The following FGD4 variants were observed in gnomAD, a reference collection of about 807,000 sequenced individuals.
FGD4 encodes the protein FYVE, RhoGEF and PH domain containing 4.
FGD4 carries 42 observed loss-of-function variants against 102.0 expected under a neutral mutation model. That is an observed-to-expected ratio of 0.41 (90% CI 0.32 to 0.53). FGD4 has a LOEUF of 0.53. FGD4 is among the 20% of genes least tolerant of loss of function. The pLI is 0.21. For missense variants in FGD4, 902 were observed against 1,078.2 expected, an observed-to-expected ratio of 0.84 and a Z score of 2.29; for synonymous variants, 380 against 375.7, an observed-to-expected ratio of 1.01 and a Z score of -0.13.
intron 1 of FGD4, among the ~76,000 whole-genome samples, chr12:32,484,093 C>G (rs1195592491): frequency 1.3e-5 from 2 of 151,942 alleles, no homozygotes; most frequent in Admixed American, 6.6e-5. Context: ...AAAAAAAATC[C>G]GTTGGGAGCT....
At chr12:32,480,574 C>T (rs985926829) in intron 1 of FGD4, among the ~76,000 whole-genome samples, 1 of 151,786 alleles carries the variant, frequency 6.6e-6, no homozygotes, top group Non-Finnish European at 1.5e-5. Context: ...AATCTCAGCT[C>T]ACTGCAACCT....
intron 1 of FGD4, among the ~76,000 whole-genome samples, chr12:32,542,993 G>T (rs1942961852): frequency 6.6e-6 from 1 of 152,100 alleles, no homozygotes; most frequent in Admixed American, 6.6e-5. Flanking sequence ...AGATCCCATA[G>T]GTGAAACGCT....
At chr12:32,581,932 C>T (rs752754283) in intron 3 of FGD4, 28 bp from the exon 4 acceptor site, 28 of 1,612,748 alleles carry the variant, frequency 1.7e-5, no homozygotes, top group South Asian at 3.3e-5. Flanking sequence ...CCAATGTTTT[C>T]ATGCTTCCTT....
rs533939591 is a variant in FGD4, at chr12:32,602,280, G to A, written c.1367G>A (p.Arg456His). 6.8e-6 allele frequency: 11 copies of A among 1,614,108 alleles called. No homozygotes were observed. The highest frequency in any genetic ancestry group is 2.7e-5 in the African/African-American group (2 of 75,046). The change falls in exon 7 of 17, where the codon CGT (arginine) becomes CAT (histidine). Residue 456 changes from arginine to histidine, a missense_variant. Coordinates refer to ENST00000534526, the MANE Select transcript of FGD4 (RefSeq NM_001370298.3). ...GAATTGGTTAAAAACATGACAGAAC[G>A]TATTCCCCAGTTCAAATCAGTGGTT... ...AMELVKNMTE[R>H]IPQFKSVVEE...
intron 1 of FGD4, among the ~76,000 whole-genome samples, chr12:32,431,638 G>A (rs1327728116): frequency 1.3e-5 from 2 of 152,048 alleles, no homozygotes; most frequent in Non-Finnish European, 2.9e-5. Context: ...GCCGGGCGCA[G>A]TGGCTCACAC....
chr12:32,636,334 G>A (rs183301114), intron 15 of FGD4, among the ~76,000 whole-genome samples: 1 of 152,208 alleles, frequency 6.6e-6, no homozygotes, highest in Admixed American at 6.5e-5. Flanking sequence ...AGGAGTTCGA[G>A]ACCAGCCTGA....
chr12:32,485,735 C>T, intron 1 of FGD4: 2 of 592,792 alleles, frequency 3.4e-6, no homozygotes, highest in Non-Finnish European at 4.2e-6. Context: ...TGAGCCACTG[C>T]GCCTGACCAA....
At chr12:32,484,744 C>T (rs573129796) in intron 1 of FGD4, among the ~76,000 whole-genome samples, 8 of 152,086 alleles carry the variant, frequency 5.3e-5, no homozygotes, top group African/African-American at 1.9e-4. Context: ...TGCTGGTGGG[C>T]ACCTGTAATC....
chr12:32,408,351 A>G (rs1036094432), intron 1 of FGD4, among the ~76,000 whole-genome samples: 2 of 152,062 alleles, frequency 1.3e-5, no homozygotes, highest in Non-Finnish European at 2.9e-5. Context: ...TATTTTTAGT[A>G]GAGACGGGGT....
At chr12:32,639,768 A>C (rs761381395) in intron 16 of FGD4, among the ~76,000 whole-genome samples, 1 of 152,230 alleles carries the variant, frequency 6.6e-6, no homozygotes, top group East Asian at 1.9e-4. Context: ...GTTGTATTTC[A>C]GTCTATAAAT....
At chr12:32,543,853 T>G (rs1943032214) in intron 1 of FGD4, among the ~76,000 whole-genome samples, 1 of 152,224 alleles carries the variant, frequency 6.6e-6, no homozygotes, top group Admixed American at 6.5e-5. Flanking sequence ...GGTCTTGATC[T>G]CCTGACCTCA....
chr12:32,558,159 A>G (rs1428437515), intron 1 of FGD4, among the ~76,000 whole-genome samples: 1 of 152,222 alleles, frequency 6.6e-6, no homozygotes, highest in Non-Finnish European at 1.5e-5. Context: ...CATGTTCTTC[A>G]AAAGTGCTAT....
intron 1 of FGD4, among the ~76,000 whole-genome samples, chr12:32,465,542 C>T (rs1943229389): frequency 6.6e-6 from 1 of 152,100 alleles, no homozygotes. Context: ...GTGGCGCACA[C>T]CTGTAGTCCC....
intron 1 of FGD4, among the ~76,000 whole-genome samples, chr12:32,524,703 T>C (rs1940956046): frequency 6.6e-6 from 1 of 151,992 alleles, no homozygotes; most frequent in Non-Finnish European, 1.5e-5. Context: ...CATGTGCCTG[T>C]AGTCTCAGCT....
At chr12:32,469,348 G>T (rs12304479) in intron 1 of FGD4, among the ~76,000 whole-genome samples, 1 of 151,372 alleles carries the variant, frequency 6.6e-6, no homozygotes, top group East Asian at 2.0e-4. Flanking sequence ...GCGCAATCTC[G>T]GCTCACTGCA....
intron 1 of FGD4, among the ~76,000 whole-genome samples, chr12:32,513,503 CT>C (rs1400773425): frequency 6.6e-6 from 1 of 152,102 alleles, no homozygotes; most frequent in Non-Finnish European, 1.5e-5. Flanking sequence ...GAAGATGACT[CT>C]GATGGAACTG....
chr12:32,628,654 C>T (rs1419029776), intron 14 of FGD4, among the ~76,000 whole-genome samples: 2 of 152,018 alleles, frequency 1.3e-5, no homozygotes, highest in Non-Finnish European at 2.9e-5. Flanking sequence ...CAAAATTAGC[C>T]GGGCATGGTG....
At chr12:32,478,299 G>A (rs1396403228) in intron 1 of FGD4, among the ~76,000 whole-genome samples, 1 of 152,184 alleles carries the variant, frequency 6.6e-6, no homozygotes, top group Non-Finnish European at 1.5e-5. Context: ...GTCTCACTCT[G>A]TTGCTCAGGC....
At chr12:32,464,960 T>C (rs1289186259) in intron 1 of FGD4, among the ~76,000 whole-genome samples, 1 of 152,214 alleles carries the variant, frequency 6.6e-6, no homozygotes, top group Non-Finnish European at 1.5e-5. Flanking sequence ...ACTGTGCTGT[T>C]CTACCTACAA....
Sources: allele counts gnomAD v4.1 joint callset (sites outside exome capture counted in the v4.1 genomes callset), GRCh38; gene constraint gnomAD v4.1.1; transcripts MANE v1.5; gene names NCBI Gene and HGNC (gene_info 2026-07-23, HGNC 2026-07-21).